MORC1: variants seen among roughly 807,000 people sequenced by gnomAD.
MORC1 encodes MORC family CW-type zinc finger 1, also known as MORC family CW-type zinc finger protein 1.
In MORC1, 59 loss-of-function variants were observed where a neutral mutation model predicts 134.9. That is an observed-to-expected ratio of 0.44 (90% CI 0.35 to 0.54). The LOEUF is 0.54. Among genes scored for constraint, MORC1 ranks in the 20% least tolerant of loss-of-function variants. MORC1 has a pLI of 0.00. For synonymous variants in MORC1, 395 were observed against 391.7 expected (o/e 1.01, Z -0.10); for missense variants, 947 against 1,134.5 (o/e 0.83, Z 2.37).
At chr3:109,113,748 C>T (rs1951217440) in intron 2 of MORC1, among the ~76,000 whole-genome samples, 1 of 151,268 alleles carries the variant, frequency 6.6e-6, no homozygotes, top group Admixed American at 6.6e-5. Flanking sequence ...TAACGGGTTC[C>T]TTAATCATTA....
Position 109,044,890 on chromosome 3 carries a change from A to G in MORC1, c.1331-9422T>C, listed in dbSNP as rs188248182. Among the ~76,000 whole-genome samples, 949 of 149,152 alleles carry G rather than the reference A, an allele frequency of 6.4e-3. 6 individuals carry two copies. The highest frequency in any genetic ancestry group is 0.012 in the African/African-American group (505 of 40,478). ...AAGCCAGGAGGTGGAGGTTGCAGTG[A>G]GCGGAGATCATGCCACTGCACTCCA... On this transcript the variant is annotated intron_variant, in intron 14 of 27. Coordinates refer to ENST00000232603, the MANE Select transcript of MORC1 (RefSeq NM_014429.4).
chr3:109,085,358 C>T (rs1294548665), intron 8 of MORC1, among the ~76,000 whole-genome samples: 2 of 152,086 alleles, frequency 1.3e-5, no homozygotes, highest in African/African-American at 4.8e-5. Context: ...GCAAACTATC[C>T]ACCTGACAGA....
At position 109,069,641 on chromosome 3, in the gene MORC1, T is replaced by C; in HGVS notation, c.806A>G (p.Tyr269Cys). The stretch of plus-strand genomic sequence containing the variant: ...AAGAAAGATGAGTTACCTGGGTCTG[T>C]AGAGGCAATAGCAAAGATGTTTAGT... ...VKTKHLCYCL[Y>C]RPRKYLYVTS... The change falls in exon 9 of 28, where the codon TAC becomes TGC. Residue 269 changes from tyrosine to cysteine, a missense_variant. Around this residue, in one of 3 missense-constraint regions of MORC1, gnomAD observed 722 missense variants for 817.0 expected, o/e 0.88. Transcript: ENST00000232603. 1.2e-6 allele frequency: 2 copies of C among 1,600,348 alleles called. No individual in the cohort carries two copies. Among genetic ancestry groups the C allele is most frequent in the South Asian group, 1.1e-5 (1 of 88,752 alleles).
chr3:109,100,632 G>T, intron 4 of MORC1, 125 bp from the exon 5 acceptor site: 1 of 719,126 alleles, frequency 1.4e-6, no homozygotes, highest in Non-Finnish European at 2.4e-6. Flanking sequence ...GGTCAGCCCA[G>T]AGACAAGGAT....
intron 8 of MORC1, among the ~76,000 whole-genome samples, chr3:109,086,703 C>T (rs1458966099): frequency 6.6e-6 from 1 of 151,956 alleles, no homozygotes; most frequent in Non-Finnish European, 1.5e-5. Flanking sequence ...AACCTGAATG[C>T]CCACCAACAG....
At chr3:108,959,266 A>G in intron 27 of MORC1, 146 bp from the exon 28 acceptor site, 1 of 614,334 alleles carries the variant, frequency 1.6e-6, no homozygotes, top group Non-Finnish European at 2.6e-6. Flanking sequence ...AACCTTTCAA[A>G]AGGTTTTCTC....
At chr3:109,007,217 T>G (rs1948561517) in intron 17 of MORC1, 126 bp from the exon 18 acceptor site, 1 of 668,068 alleles carries the variant, frequency 1.5e-6, no homozygotes, top group East Asian at 2.7e-5. Flanking sequence ...CATGAATAAT[T>G]GTTCAAGGAG....
rs1947138408 is a variant in MORC1, at chr3:108,963,551, T to C, written c.2662A>G (p.Ile888Val). The C allele has an allele frequency of 6.3e-7, 1 of 1,599,920 alleles. No homozygotes were observed. The highest frequency in any genetic ancestry group is 8.5e-7 in the Non-Finnish European group (1 of 1,173,046). The change falls in exon 27 of 28, where the codon ATT becomes GTT. Residue 888 changes from isoleucine (I) to valine (V), a missense_variant. Physicochemically the swap from Ile to Val is conservative, Grantham distance 29. Coordinates refer to ENST00000232603, the MANE Select transcript of MORC1 (RefSeq NM_014429.4). Reference protein sequence around the residue: ...EKKIKRKLQSIIYDSNTRGIH... With the variant: ...EKKIKRKLQSVIYDSNTRGIH... ...CCTCTTGTATTTGAATCATAGATAA[T>C]GGACTGCAATTTCCTCTTTATTTTT... is the stretch of plus-strand genomic sequence containing the variant.
At chr3:109,111,401 C>T (rs1259355268) in intron 2 of MORC1, among the ~76,000 whole-genome samples, 1 of 152,072 alleles carries the variant, frequency 6.6e-6, no homozygotes, top group Middle Eastern at 3.2e-3. Flanking sequence ...ACCCCGTATC[C>T]CACAGAGGTG....
intron 4 of MORC1, chr3:109,101,666 T>C (rs1206069645): frequency 6.6e-6 from 1 of 152,258 alleles, no homozygotes; most frequent in African/African-American, 2.4e-5. Flanking sequence ...ATAATGACAA[T>C]CTTAGCTAAC....
intron 8 of MORC1, among the ~76,000 whole-genome samples, chr3:109,069,988 C>G (rs1399807040): frequency 6.6e-6 from 1 of 152,208 alleles, no homozygotes; most frequent in East Asian, 1.9e-4. Context: ...TTGGTTACAA[C>G]TGAACTTTTG....
intron 1 of MORC1, among the ~76,000 whole-genome samples, chr3:109,117,574 G>A (rs879555874): frequency 3.9e-5 from 6 of 152,174 alleles, no homozygotes; most frequent in African/African-American, 1.2e-4. Flanking sequence ...TATCCTTAGA[G>A]AGGTTACATT....
chr3:109,026,588 AT>A (rs1949079200), intron 17 of MORC1, among the ~76,000 whole-genome samples: 1 of 152,360 alleles, frequency 6.6e-6, no homozygotes, highest in Middle Eastern at 3.4e-3. Context: ...GATGCAATCA[AT>A]TCATAATGTG....
At chr3:109,053,738 G>A (rs13075660) in intron 14 of MORC1, among the ~76,000 whole-genome samples, 18,109 of 152,124 alleles carry the variant, frequency 0.12, 1,157 homozygotes, top group Non-Finnish European at 0.14. Flanking sequence ...ATATACCTCT[G>A]TAACAACCTT....
intron 15 of MORC1, among the ~76,000 whole-genome samples, chr3:109,033,387 T>G (rs1458102382): frequency 1.3e-5 from 2 of 152,152 alleles, no homozygotes; most frequent in Non-Finnish European, 2.9e-5. Flanking sequence ...TCTTCTGTAC[T>G]TTCTTCTGTT....
intron 21 of MORC1, among the ~76,000 whole-genome samples, chr3:108,997,443 G>A (rs973662579): frequency 6.6e-5 from 10 of 152,044 alleles, no homozygotes; most frequent in African/African-American, 1.9e-4. Context: ...CAAGAGAATC[G>A]CTTACAGTGA....
At chr3:108,994,781 G>A (rs1160287249) in intron 21 of MORC1, among the ~76,000 whole-genome samples, 1 of 151,916 alleles carries the variant, frequency 6.6e-6, no homozygotes, top group East Asian at 1.9e-4. Flanking sequence ...TTATTCCCCT[G>A]GTGTTCCTCA....
chr3:108,969,743 A>G, intron 25 of MORC1, 21 bp from the exon 26 acceptor site: 1 of 1,609,144 alleles, frequency 6.2e-7, no homozygotes, highest in Non-Finnish European at 8.5e-7. Context: ...AAATGATAAT[A>G]GAACAGGATA....
chr3:109,032,365 A>T (rs1949260232), intron 16 of MORC1, among the ~76,000 whole-genome samples: 1 of 152,200 alleles, frequency 6.6e-6, no homozygotes, highest in African/African-American at 2.4e-5. Flanking sequence ...CTAACAGTTT[A>T]ATGCCCCTGG....
Sources: allele counts gnomAD v4.1 joint callset (sites outside exome capture counted in the v4.1 genomes callset), GRCh38; gene constraint gnomAD v4.1.1; regional missense constraint gnomAD v4.1.1; transcripts MANE v1.5; gene names NCBI Gene and HGNC (gene_info 2026-07-23, HGNC 2026-07-21).